The following TET1 variants were observed in gnomAD, a reference collection of about 807,000 sequenced individuals.
TET1 encodes methylcytosine dioxygenase TET1.
In TET1, 13 loss-of-function variants were observed where a neutral mutation model predicts 148.7. That is an observed-to-expected ratio of 0.09 (90% CI 0.06 to 0.14). The LOEUF is 0.14. Among genes scored for constraint, TET1 ranks in the 10% least tolerant of loss-of-function variants. The probability of loss-of-function intolerance (pLI) is 1.00; values close to 1 mark genes in which losing one functional copy is unlikely to be tolerated. For synonymous variants in TET1, 907 were observed against 937.2 expected, an observed-to-expected ratio of 0.97 and a Z score of 0.59; for missense variants, 2,182 against 2,553.8, an observed-to-expected ratio of 0.85 and a Z score of 3.14.
chr10:68,570,925 G>T (rs1363146624), intron 1 of TET1, among the ~76,000 whole-genome samples: 3 of 151,680 alleles, frequency 2.0e-5, no homozygotes, highest in South Asian at 2.1e-4. Flanking sequence ...GAACCACCGC[G>T]CCTGGCCTAA....
At chr10:68,624,654 T>TCTCTC (rs2054438319) in intron 3 of TET1, among the ~76,000 whole-genome samples, 1 of 58,404 alleles carries the variant, frequency 1.7e-5, no homozygotes, top group Admixed American at 1.9e-4. Flanking sequence ...CTTTCTTTCT[T>TCTCTC]TCTTTCTCTC....
At chr10:68,672,487 C>CAAAAAAAAAAA (rs71483920) in intron 7 of TET1, among the ~76,000 whole-genome samples, 41 of 49,714 alleles carry the variant, frequency 8.2e-4, no homozygotes, top group Non-Finnish European at 1.2e-3. Flanking sequence ...GACCCCATCT[C>CAAAAAAAAAAA]AAAAAAAAAA....
At chr10:68,624,741 CTTTT>C (rs1368153299) in intron 3 of TET1, among the ~76,000 whole-genome samples, 1 of 128,310 alleles carries the variant, frequency 7.8e-6, no homozygotes, top group Non-Finnish European at 1.7e-5. Context: ...TTCTTTCTTT[CTTTT>C]TTTTGAGACG....
At chr10:68,690,252 G>T (rs759561842) in intron 11 of TET1, among the ~76,000 whole-genome samples, 1 of 152,128 alleles carries the variant, frequency 6.6e-6, no homozygotes, top group Non-Finnish European at 1.5e-5. Flanking sequence ...ACAATGAACA[G>T]CCATCCTTTT....
At position 68,573,521 on chromosome 10, in the gene TET1, C is replaced by G. The variant is rs748518458; in HGVS notation, c.1183C>G (p.Leu395Val). The change falls in exon 2 of 12, where the codon CTA becomes GTA. Residue 395 changes from leucine (L) to valine (V), a missense_variant. By Grantham distance (32) the Leu-to-Val change is conservative. Transcript: ENST00000373644. ...HGEALGETPDLPEIPGAIPVQ... is the reference protein window; with the variant it reads ...HGEALGETPDVPEIPGAIPVQ... ...TGAGGCCCTGGGTGAGACCCCAGAT[C>G]TACCAGAGATTCCTGGTGCTATTCC... 1.9e-6 allele frequency: 3 copies of G among 1,614,208 alleles called. No homozygotes were observed. In the Admixed American group the frequency reaches 5.0e-5, roughly 27 times the overall value.
At chr10:68,687,460 G>A (rs140616805) in intron 11 of TET1, among the ~76,000 whole-genome samples, 17 of 152,152 alleles carry the variant, frequency 1.1e-4, no homozygotes, top group African/African-American at 3.9e-4. Context: ...CATGACTTTC[G>A]GGATGCCTTC....
chr10:68,664,340 A>G lies in TET1; in HGVS notation c.4462-2705A>G, dbSNP rs371108885. On this transcript the variant is annotated intron_variant, in intron 6 of 11. Coordinates refer to ENST00000373644, the MANE Select transcript of TET1 (RefSeq NM_030625.3). Reference sequence around the variant, plus strand: ...TGTAATGTAAATATATATAATGTGTATATATATATCATGTCAAATATATGT... The same window carrying G: ...TGTAATGTAAATATATATAATGTGTGTATATATATCATGTCAAATATATGT... Among the ~76,000 whole-genome samples, 4 of 152,036 alleles carry G rather than the reference A, an allele frequency of 2.6e-5. No homozygotes were observed. In the South Asian group the frequency reaches 6.2e-4, roughly 24 times the overall value.
intron 4 of TET1, among the ~76,000 whole-genome samples, 178 bp downstream of exon 4, chr10:68,647,183 G>A (rs1436763902): frequency 1.3e-5 from 2 of 152,090 alleles, no homozygotes; most frequent in East Asian, 3.8e-4. Context: ...TCTGCCACAA[G>A]AATGGAAAAT....
At chr10:68,655,238 A>T (rs7078827) in intron 6 of TET1, among the ~76,000 whole-genome samples, 27,760 of 151,978 alleles carry the variant, frequency 0.18, 3,147 homozygotes, top group African/African-American at 0.31. Context: ...AAATCTCCCA[A>T]CCTGGCTTTG....
In TET1 at chr10:68,686,656, A is replaced by C; in HGVS notation, c.5353A>C (p.Asn1785His). 6.2e-7 allele frequency: 1 copy of C among 1,614,188 alleles called. No individual in the cohort carries two copies. The highest frequency in any genetic ancestry group is 8.5e-7 in the Non-Finnish European group (1 of 1,180,030). The change falls in exon 11 of 12, where the codon AAT (asparagine) becomes CAT (histidine). Residue 1785 changes from asparagine to histidine, a missense_variant. Asn to His is a moderately conservative substitution (Grantham distance 68). This residue lies in a region of TET1 where 380 missense variants were observed against 387.9 expected (regional missense o/e 0.98). Transcript: ENST00000373644. ...KKPIPRIKRK[N>H]NSTTTNNSKP... ...ACCTATTCCCCGAATCAAGCGGAAG[A>C]ATAACTCAACAACAACAAACAACAG...
In TET1 at chr10:68,645,871, T is replaced by A; in HGVS notation, c.3142T>A (p.Cys1048Ser). 1 of 1,614,116 alleles carries A rather than the reference T, an allele frequency of 6.2e-7. No homozygotes were observed. Among genetic ancestry groups the A allele is most frequent in the Non-Finnish European group, 8.5e-7 (1 of 1,180,024 alleles). The change falls in exon 4 of 12, where the codon TGC becomes AGC. Residue 1048 changes from cysteine (C) to serine (S), a missense_variant. Cys to Ser is a moderately radical substitution (Grantham distance 112). Around this residue, in one of 11 missense-constraint regions of TET1, gnomAD observed 582 missense variants for 599.5 expected, o/e 0.97. Coordinates refer to ENST00000373644, the MANE Select transcript of TET1 (RefSeq NM_030625.3). ...ACCAAGAAATAATGAAGTGGAGTAT[T>A]GCAACCAGTTACTGGACAGCAGCAA... The part of the protein sequence containing the change: ...LPPRNNEVEY[C>S]NQLLDSSKKL...
chr10:68,561,092 G>A (rs566087261), intron 1 of TET1, among the ~76,000 whole-genome samples: 11 of 152,150 alleles, frequency 7.2e-5, no homozygotes, highest in African/African-American at 9.7e-5. Flanking sequence ...AGTGTGGCGT[G>A]GGGGAGATGG....
intron 11 of TET1, among the ~76,000 whole-genome samples, chr10:68,689,367 C>T (rs1241231430): frequency 6.6e-6 from 1 of 151,980 alleles, no homozygotes. Context: ...TTTCTTGGTC[C>T]TAAGATTTGC....
rs867350355 is a variant in TET1, at chr10:68,646,259, A to G, written c.3530A>G (p.Glu1177Gly). ...SYQENDRQKWEKLSYMYGTIC... is the reference protein window; with the variant it reads ...SYQENDRQKWGKLSYMYGTIC... ...CAAGAAAATGATCGGCAGAAGTGGG[A>G]AAAGTTGTCCTATATGTATGGCACA... Residue 1177 changes from glutamate (E) to glycine (G), a missense_variant, in exon 4 of 12, where the codon GAA (glutamate) becomes GGA (glycine). Physicochemically the swap from Glu to Gly is moderately conservative, Grantham distance 98 (BLOSUM62 -2). This residue lies in a region of TET1 where 582 missense variants were observed against 599.5 expected (regional missense o/e 0.97). Coordinates refer to ENST00000373644, the MANE Select transcript of TET1 (RefSeq NM_030625.3). 3 of 1,614,212 alleles carry G rather than the reference A, an allele frequency of 1.9e-6. No individual in the cohort carries two copies. Among genetic ancestry groups the G allele is most frequent in the Middle Eastern group, 3.3e-4 (2 of 6,062 alleles).
Position 68,686,483 on chromosome 10 carries a change from C to A in TET1, c.5180C>A (p.Ala1727Asp). The A allele has an allele frequency of 6.2e-7, 1 of 1,614,064 alleles. No homozygotes were observed. Among genetic ancestry groups the A allele is most frequent in the Non-Finnish European group, 8.5e-7 (1 of 1,180,032 alleles). The part of the protein sequence containing the change: ...DEFGSKEGME[A>D]KIKSGAIEVL... ...TTTGGCTCCAAGGAAGGAATGGAAG[C>A]CAAGATCAAATCTGGGGCCATCGAG... The change falls in exon 11 of 12, where the codon GCC becomes GAC. Residue 1727 changes from alanine to aspartate, a missense_variant. Coordinates refer to ENST00000373644, the MANE Select transcript of TET1 (RefSeq NM_030625.3).
Position 68,602,069 on chromosome 10 carries a change from C to T in TET1, c.1968+1035C>T, listed in dbSNP as rs563255244. ...TGCCCTGCTTTCAAATTTGCCTGACCACATTGAGTTTCTGCTTCCTGTGTA... is the reference window on the plus strand; with the variant it reads ...TGCCCTGCTTTCAAATTTGCCTGACTACATTGAGTTTCTGCTTCCTGTGTA... On this transcript the variant is annotated intron_variant, in intron 3 of 11. Coordinates refer to ENST00000373644, the MANE Select transcript of TET1 (RefSeq NM_030625.3). Among the ~76,000 whole-genome samples the T allele has an allele frequency of 9.9e-5, 15 of 152,226 alleles. No individual in the cohort carries two copies. The South Asian group carries it at 3.1e-3, about 32-fold the overall frequency.
intron 3 of TET1, among the ~76,000 whole-genome samples, chr10:68,612,168 CA>C (rs202020222): frequency 0.054 from 8,194 of 151,520 alleles, 254 homozygotes; most frequent in Middle Eastern, 0.097. Flanking sequence ...TGGCTCACTG[CA>C]ACCTCCGCCT....
At chr10:68,673,935 CT>C (rs11381293) in intron 8 of TET1, among the ~76,000 whole-genome samples, 44 of 120,282 alleles carry the variant, frequency 3.7e-4, no homozygotes, top group South Asian at 2.5e-3. Context: ...CTTTCTTTTT[CT>C]TTTTTTTTTT....
At chr10:68,667,830 C>A (rs2055215624) in intron 7 of TET1, among the ~76,000 whole-genome samples, 1 of 151,934 alleles carries the variant, frequency 6.6e-6, no homozygotes, top group African/African-American at 2.4e-5. Context: ...ACCCAACTCA[C>A]TTCTAGAGTC....
Sources: gnomAD v4.1 joint callset for allele counts (sites outside exome capture counted in the v4.1 genomes callset) on GRCh38, gnomAD v4.1.1 for gene constraint, gnomAD v4.1.1 regional missense constraint, MANE v1.5 for transcripts, NCBI Gene and HGNC (gene_info 2026-07-23, HGNC 2026-07-21) for gene names.